Variants in SNTG2 observed in about 807,000 individuals in gnomAD.
The protein encoded by SNTG2 is syntrophin gamma 2.
In SNTG2, 74 loss-of-function variants were observed where a neutral mutation model predicts 70.9. The observed-to-expected ratio is 1.04, with a 90% confidence interval of 0.86 to 1.27. The LOEUF (loss-of-function observed/expected upper bound fraction) is 1.27, where lower values mean the gene tolerates loss of function less well. Ranked by LOEUF, SNTG2 falls within the 50% of genes most tolerant of loss-of-function variation. The pLI, the probability that SNTG2 is intolerant of heterozygous loss-of-function variation, is 0.00. For synonymous variants in SNTG2, 278 were observed against 273.8 expected (o/e 1.02, Z -0.15); for missense variants, 717 against 690.7 (o/e 1.04, Z -0.43).
intron 7 of SNTG2, among the ~76,000 whole-genome samples, chr2:1,172,812 G>T (rs1487184146): frequency 6.6e-6 from 1 of 152,190 alleles, no homozygotes; most frequent in Non-Finnish European, 1.5e-5. Flanking sequence ...GGCCTGAGCT[G>T]CTGGGGGCAC....
chr2:1,326,131 C>A (rs778556533), intron 16 of SNTG2, among the ~76,000 whole-genome samples: 18 of 152,250 alleles, frequency 1.2e-4, no homozygotes, highest in African/African-American at 4.1e-4. Flanking sequence ...CTGCACCCAG[C>A]CGGCATATCA....
intron 4 of SNTG2, among the ~76,000 whole-genome samples, chr2:1,136,009 T>C (rs1668361068): frequency 6.6e-6 from 1 of 152,194 alleles, no homozygotes; most frequent in Admixed American, 6.5e-5. Context: ...TTATGATGAT[T>C]AATTGATTTG....
At chr2:1,053,156 T>C (rs1442495004) in intron 1 of SNTG2, among the ~76,000 whole-genome samples, 1 of 152,230 alleles carries the variant, frequency 6.6e-6, no homozygotes, top group Non-Finnish European at 1.5e-5. Context: ...CTGAGCACAG[T>C]GTTCAACAGA....
chr2:1,245,010 C>T (rs1027765792), intron 11 of SNTG2, among the ~76,000 whole-genome samples: 1 of 151,188 alleles, frequency 6.6e-6, no homozygotes, highest in African/African-American at 2.4e-5. Flanking sequence ...TCTCAGTAAA[C>T]TATCGCAAGG....
chr2:1,215,870 CA>C (rs1469438134), intron 9 of SNTG2, among the ~76,000 whole-genome samples: 1 of 152,080 alleles, frequency 6.6e-6, no homozygotes, highest in African/African-American at 2.4e-5. Flanking sequence ...CATGTCCCTA[CA>C]AAGGACATGA....
At chr2:1,046,050 A>C (rs1011258982) in intron 1 of SNTG2, among the ~76,000 whole-genome samples, 1 of 152,054 alleles carries the variant, frequency 6.6e-6, no homozygotes, top group Admixed American at 6.6e-5. Flanking sequence ...TGGGTCCTTG[A>C]GTACTGGTTG....
chr2:1,213,303 C>T (rs950282428), intron 9 of SNTG2, among the ~76,000 whole-genome samples: 4 of 152,076 alleles, frequency 2.6e-5, no homozygotes, highest in African/African-American at 9.7e-5. Flanking sequence ...TTGATTGGTC[C>T]TCAGAAACTG....
chr2:1,104,564 A>T (rs562214093), intron 4 of SNTG2, among the ~76,000 whole-genome samples: 5 of 152,342 alleles, frequency 3.3e-5, no homozygotes, highest in African/African-American at 9.6e-5. Context: ...TTCTGCATGT[A>T]TGTACCTCAG....
intron 1 of SNTG2, among the ~76,000 whole-genome samples, chr2:987,333 G>A (rs1397695081): frequency 3.9e-5 from 6 of 152,162 alleles, no homozygotes; most frequent in Non-Finnish European, 5.9e-5. Context: ...GGATGTCGGC[G>A]TCCTGATCCT....
At chr2:1,156,072 A>C (rs943701457) in intron 6 of SNTG2, among the ~76,000 whole-genome samples, 2 of 152,158 alleles carry the variant, frequency 1.3e-5, no homozygotes, top group Non-Finnish European at 1.5e-5. Context: ...AGCACAAACA[A>C]GTTCTTAAAA....
intron 2 of SNTG2, among the ~76,000 whole-genome samples, chr2:1,088,652 A>G (rs900826983): frequency 2.0e-5 from 3 of 152,232 alleles, no homozygotes; most frequent in Non-Finnish European, 4.4e-5. Context: ...CCAGTGGAAG[A>G]ATCATATAAG....
intron 1 of SNTG2, among the ~76,000 whole-genome samples, chr2:1,057,009 G>A (rs906573230): frequency 4.0e-5 from 6 of 150,086 alleles, no homozygotes; most frequent in African/African-American, 1.2e-4. Flanking sequence ...AGGAGAGGGC[G>A]GCGCAGCGCT....
intron 14 of SNTG2, among the ~76,000 whole-genome samples, chr2:1,293,518 A>G (rs1334971296): frequency 6.6e-6 from 1 of 151,436 alleles, no homozygotes; most frequent in Non-Finnish European, 1.5e-5. Flanking sequence ...TTTTGGCCCT[A>G]GTTTTACTGT....
intron 14 of SNTG2, among the ~76,000 whole-genome samples, chr2:1,300,720 T>C (rs1322365350): frequency 6.6e-6 from 1 of 152,228 alleles, no homozygotes; most frequent in Non-Finnish European, 1.5e-5. Flanking sequence ...TTGTCTATGA[T>C]ACTTAAAAGG....
chr2:1,255,885 AATATATATAAATATATATAT>A (rs1678063569), intron 12 of SNTG2, among the ~76,000 whole-genome samples: 19 of 90,478 alleles, frequency 2.1e-4, no homozygotes, highest in African/African-American at 7.1e-4. Context: ...TATATATATA[AATATATATAAATATATATAT>A]AAATATATAT....
At chr2:1,196,297 A>G (rs939911562) in intron 8 of SNTG2, among the ~76,000 whole-genome samples, 4 of 152,196 alleles carry the variant, frequency 2.6e-5, no homozygotes, top group Admixed American at 1.3e-4. Flanking sequence ...GAACTTGAAG[A>G]CAGGTCTTCT....
intron 1 of SNTG2, among the ~76,000 whole-genome samples, chr2:1,069,762 G>C (rs904400614): frequency 1.3e-5 from 2 of 152,126 alleles, no homozygotes; most frequent in African/African-American, 4.8e-5. Context: ...CTGCACTGCA[G>C]CCTGGCGACA....
chr2:1,209,379 A>C, intron 9 of SNTG2, 149 bp downstream of exon 9: 1 of 1,020,122 alleles, frequency 9.8e-7, no homozygotes, highest in Non-Finnish European at 1.4e-6. Context: ...TTTGGAATAA[A>C]CAAGTTAAAG....
chr2:1,351,152 CCT>C (rs1436828802), intron 16 of SNTG2, among the ~76,000 whole-genome samples: 1 of 151,482 alleles, frequency 6.6e-6, no homozygotes. Flanking sequence ...CCTTGTTTTC[CCT>C]CTCTTAGTGT....
Sources: allele counts gnomAD v4.1 joint callset (sites outside exome capture counted in the v4.1 genomes callset), GRCh38; gene constraint gnomAD v4.1.1; transcripts MANE v1.5; gene names NCBI Gene and HGNC (gene_info 2026-07-23, HGNC 2026-07-21).